ARFGEF2: variants seen among roughly 807,000 people sequenced by gnomAD.
ARFGEF2 encodes brefeldin A-inhibited guanine nucleotide-exchange protein 2.
Under a neutral mutation model 219.9 loss-of-function variants are expected in ARFGEF2, and 74 were observed. That is an observed-to-expected ratio of 0.34 (90% confidence interval 0.28 to 0.41). The LOEUF is 0.41. ARFGEF2 is among the 10% of genes least tolerant of loss of function. ARFGEF2 has a pLI of 1.00. For synonymous variants in ARFGEF2, 733 were observed against 799.2 expected (o/e 0.92, Z 1.40); for missense variants, 1,743 against 2,218.3 (o/e 0.79, Z 4.30).
At chr20:48,965,093 C>A (rs1385199887) in intron 7 of ARFGEF2, among the ~76,000 whole-genome samples, 1 of 152,048 alleles carries the variant, frequency 6.6e-6, no homozygotes, top group African/African-American at 2.4e-5. Context: ...ATAGAAATGC[C>A]TGTAAAATAG....
intron 35 of ARFGEF2, 86 bp from the exon 36 acceptor site, chr20:49,025,227 G>A: frequency 7.0e-7 from 1 of 1,421,952 alleles, no homozygotes; most frequent in South Asian, 1.2e-5. Context: ...CTTTTGGAGA[G>A]TCATGACTGC....
At chr20:48,958,727 C>T (rs979860471) in intron 6 of ARFGEF2, among the ~76,000 whole-genome samples, 2 of 152,180 alleles carry the variant, frequency 1.3e-5, no homozygotes, top group African/African-American at 2.4e-5. Flanking sequence ...CAGGTGTGAG[C>T]CACCGTGCCC....
At chr20:49,031,898 G>T in intron 37 of ARFGEF2, 151 bp from the exon 38 acceptor site, 1 of 687,720 alleles carries the variant, frequency 1.5e-6, no homozygotes, top group Non-Finnish European at 2.6e-6. Flanking sequence ...AGCCTGGGCC[G>T]CAGAGCAAGA....
intron 1 of ARFGEF2, among the ~76,000 whole-genome samples, chr20:48,930,428 A>G (rs2090906002): frequency 6.6e-6 from 1 of 152,236 alleles, no homozygotes. Flanking sequence ...TAGTGGTGAC[A>G]GTAGAAATAG....
intron 3 of ARFGEF2, among the ~76,000 whole-genome samples, chr20:48,948,766 C>T (rs1448764018): frequency 6.6e-6 from 1 of 152,158 alleles, no homozygotes; most frequent in Admixed American, 6.5e-5. Flanking sequence ...CTGTGCAAGC[C>T]CTGACTCATG....
intron 6 of ARFGEF2, among the ~76,000 whole-genome samples, chr20:48,961,714 A>G (rs979630503): frequency 6.6e-6 from 1 of 152,064 alleles, no homozygotes. Context: ...AAATACAAAA[A>G]TTAGCTGGGT....
intron 14 of ARFGEF2, among the ~76,000 whole-genome samples, chr20:48,980,847 C>T (rs1197924399): frequency 6.6e-6 from 1 of 152,156 alleles, no homozygotes; most frequent in East Asian, 1.9e-4. Flanking sequence ...AGATCTTCCT[C>T]CATCCCTATA....
At chr20:48,972,262 T>A (rs1438201877) in intron 10 of ARFGEF2, 64 bp from the exon 11 acceptor site, 4 of 1,196,674 alleles carry the variant, frequency 3.3e-6, no homozygotes, top group Non-Finnish European at 5.0e-6. Context: ...CTGAAGACTT[T>A]GGAGGTTTTG....
intron 8 of ARFGEF2, among the ~76,000 whole-genome samples, chr20:48,968,799 A>C (rs978688392): frequency 1.3e-5 from 2 of 152,196 alleles, no homozygotes; most frequent in African/African-American, 4.8e-5. Flanking sequence ...AAGAACAAGG[A>C]ACAAGGTTGT....
intron 1 of ARFGEF2, among the ~76,000 whole-genome samples, chr20:48,928,460 A>T (rs1429422295): frequency 7.2e-6 from 1 of 138,926 alleles, no homozygotes; most frequent in Non-Finnish European, 1.5e-5. Flanking sequence ...GGCCTCCCAA[A>T]GTGCTGGGAT....
At chr20:48,960,199 C>T (rs1410972535) in intron 6 of ARFGEF2, among the ~76,000 whole-genome samples, 1 of 152,186 alleles carries the variant, frequency 6.6e-6, no homozygotes, top group Admixed American at 6.5e-5. Context: ...GCCTATTGCT[C>T]CTAGGCTATA....
chr20:48,978,356 C>G (rs2091275282), intron 14 of ARFGEF2, among the ~76,000 whole-genome samples: 1 of 152,176 alleles, frequency 6.6e-6, no homozygotes, highest in Non-Finnish European at 1.5e-5. Flanking sequence ...GTACCAGTAC[C>G]ATGCTGTTTT....
At chr20:49,018,772 T>C (rs1194463987) in intron 33 of ARFGEF2, 112 bp from the exon 34 acceptor site, 1 of 793,808 alleles carries the variant, frequency 1.3e-6, no homozygotes, top group Non-Finnish European at 2.2e-6. Flanking sequence ...TATTTTGAGC[T>C]AAGCAAGGCA....
chr20:48,992,446 G>T (rs2091362363), intron 21 of ARFGEF2, among the ~76,000 whole-genome samples: 1 of 152,180 alleles, frequency 6.6e-6, no homozygotes, highest in Non-Finnish European at 1.5e-5. Flanking sequence ...TCTTCCCCAT[G>T]TGGACCACAT....
chr20:48,981,778 A>G (rs540891617), intron 14 of ARFGEF2, among the ~76,000 whole-genome samples: 4 of 152,216 alleles, frequency 2.6e-5, no homozygotes, highest in African/African-American at 4.8e-5. Context: ...CAAATCTGCT[A>G]TTGAAGCTTG....
At chr20:49,017,422 G>T in intron 32 of ARFGEF2, 35 bp downstream of exon 32, 1 of 1,613,832 alleles carries the variant, frequency 6.2e-7, no homozygotes, top group Non-Finnish European at 8.5e-7. Context: ...GTTTATCTCT[G>T]TGTTCAGTGG....
At chr20:49,016,439 C>T in intron 31 of ARFGEF2, 24 bp downstream of exon 31, 3 of 1,608,088 alleles carry the variant, frequency 1.9e-6, no homozygotes, top group South Asian at 2.2e-5. Flanking sequence ...CTCTAGGCAT[C>T]ATTTTTCTTA....
intron 26 of ARFGEF2, among the ~76,000 whole-genome samples, chr20:49,005,737 CAA>C (rs56730863): frequency 6.3e-4 from 39 of 62,210 alleles, no homozygotes; most frequent in African/African-American, 1.9e-3. Flanking sequence ...GACTCCGTCT[CAA>C]AAAAAAAAAA....
chr20:49,006,883 G>T (rs6012579), intron 26 of ARFGEF2, among the ~76,000 whole-genome samples: 90,764 of 147,692 alleles, frequency 0.61, 27,739 homozygotes, highest in African/African-American at 0.68. Flanking sequence ...GGAGGTTTTT[G>T]TTTTTTTTTT....
Sources: allele counts gnomAD v4.1 joint callset (sites outside exome capture counted in the v4.1 genomes callset), GRCh38; gene constraint gnomAD v4.1.1; transcripts MANE v1.5; gene names NCBI Gene and HGNC (gene_info 2026-07-23, HGNC 2026-07-21).